The following C8orf34 variants were observed in gnomAD, a reference collection of about 807,000 sequenced individuals.
C8orf34 encodes uncharacterized protein C8orf34.
In C8orf34, 65 loss-of-function variants were observed where a neutral mutation model predicts 68.3. That is an observed-to-expected ratio of 0.95 (90% CI 0.78 to 1.17). The LOEUF is 1.17. Ranked by LOEUF, C8orf34 falls within the 50% of genes most tolerant of loss-of-function variation. C8orf34 has a pLI of 0.00. For synonymous variants in C8orf34, 244 were observed against 241.2 expected (o/e 1.01, Z -0.11); for missense variants, 664 against 655.4 (o/e 1.01, Z -0.14).
At chr8:68,489,091 G>A (rs1190790443) in intron 5 of C8orf34, among the ~76,000 whole-genome samples, 1 of 151,862 alleles carries the variant, frequency 6.6e-6, no homozygotes, top group Non-Finnish European at 1.5e-5. Flanking sequence ...TAAGAAATTT[G>A]CATTGTTTAC....
intron 1 of C8orf34, among the ~76,000 whole-genome samples, chr8:68,369,442 A>G (rs1489710843): frequency 1.3e-5 from 2 of 152,160 alleles, no homozygotes; most frequent in African/African-American, 4.8e-5. Flanking sequence ...CCAGTCCCAC[A>G]TTTTCTGTTT....
intron 1 of C8orf34, among the ~76,000 whole-genome samples, chr8:68,424,154 A>G (rs141144075): frequency 6.6e-6 from 1 of 152,228 alleles, no homozygotes; most frequent in East Asian, 1.9e-4. Flanking sequence ...CCAGTTGCCC[A>G]GGAATGGACT....
At chr8:68,488,121 A>G in intron 5 of C8orf34, 70 bp downstream of exon 5, 1 of 1,129,828 alleles carries the variant, frequency 8.9e-7, no homozygotes, top group Non-Finnish European at 1.3e-6. Flanking sequence ...TCTCAACATA[A>G]ATAAATTTTC....
intron 1 of C8orf34, among the ~76,000 whole-genome samples, chr8:68,361,744 A>G (rs961541838): frequency 2.6e-5 from 4 of 152,244 alleles, no homozygotes; most frequent in Non-Finnish European, 2.9e-5. Context: ...TATTTAATTT[A>G]TAGTAAATGT....
At chr8:68,499,196 G>A (rs939089523) in intron 5 of C8orf34, among the ~76,000 whole-genome samples, 2 of 152,090 alleles carry the variant, frequency 1.3e-5, no homozygotes, top group African/African-American at 2.4e-5. Context: ...ATCTGTTCCT[G>A]CATTGATTCG....
intron 8 of C8orf34, among the ~76,000 whole-genome samples, chr8:68,660,882 C>T (rs1043134641): frequency 6.6e-6 from 1 of 151,744 alleles, no homozygotes; most frequent in Non-Finnish European, 1.5e-5. Flanking sequence ...TGTGTTAACT[C>T]CTGACATAGC....
chr8:68,767,167 G>A (rs1823205613), intron 10 of C8orf34, among the ~76,000 whole-genome samples: 1 of 152,144 alleles, frequency 6.6e-6, no homozygotes, highest in Admixed American at 6.5e-5. Flanking sequence ...CTGCACTCCA[G>A]CCTAGGCAAC....
intron 7 of C8orf34, among the ~76,000 whole-genome samples, chr8:68,563,124 C>A (rs1268220060): frequency 6.6e-6 from 1 of 152,192 alleles, no homozygotes; most frequent in African/African-American, 2.4e-5. Flanking sequence ...AACACTGTCA[C>A]ATCCTTGATA....
At chr8:68,597,676 A>G (rs1407811730) in intron 7 of C8orf34, among the ~76,000 whole-genome samples, 3 of 152,014 alleles carry the variant, frequency 2.0e-5, no homozygotes, top group Non-Finnish European at 2.9e-5. Context: ...CAAAGGGACT[A>G]TCTTTACTAG....
intron 7 of C8orf34, chr8:68,535,298 T>C: frequency 1.0e-6 from 1 of 981,522 alleles, no homozygotes; most frequent in Non-Finnish European, 1.2e-6. Flanking sequence ...TTTTTGAATC[T>C]ACATTTTGTA....
At chr8:68,537,471 T>C (rs970283986) in intron 7 of C8orf34, among the ~76,000 whole-genome samples, 1 of 145,190 alleles carries the variant, frequency 6.9e-6, no homozygotes, top group African/African-American at 2.7e-5. Flanking sequence ...TTTCTTTTTT[T>C]TTTTAAAGAG....
At chr8:68,369,809 T>G (rs552198941) in intron 1 of C8orf34, among the ~76,000 whole-genome samples, 37 of 152,276 alleles carry the variant, frequency 2.4e-4, no homozygotes, top group Admixed American at 5.2e-4. Flanking sequence ...TGCCAGCCAC[T>G]CAATGTAGCA....
chr8:68,666,438 A>G (rs1227546406), intron 8 of C8orf34, among the ~76,000 whole-genome samples: 1 of 152,238 alleles, frequency 6.6e-6, no homozygotes, highest in Non-Finnish European at 1.5e-5. Context: ...TTAAAGGAGA[A>G]TGAAAGGATT....
intron 11 of C8orf34, among the ~76,000 whole-genome samples, chr8:68,777,217 T>A (rs759904998): frequency 1.3e-5 from 2 of 152,190 alleles, no homozygotes; most frequent in South Asian, 4.1e-4. Context: ...AGTGGATCTG[T>A]GGGTGATAGG....
chr8:68,620,280 A>G (rs1173236159), intron 7 of C8orf34, among the ~76,000 whole-genome samples: 4 of 152,156 alleles, frequency 2.6e-5, no homozygotes, highest in Non-Finnish European at 4.4e-5. Flanking sequence ...TGAGGCGCAA[A>G]GGGACCTCAC....
intron 8 of C8orf34, among the ~76,000 whole-genome samples, chr8:68,671,413 C>T (rs943009350): frequency 1.1e-4 from 16 of 152,262 alleles, no homozygotes; most frequent in African/African-American, 3.8e-4. Context: ...AGACGAGAAA[C>T]AGCTGTATCT....
chr8:68,622,067 A>G (rs1818404055), intron 7 of C8orf34, among the ~76,000 whole-genome samples: 1 of 152,194 alleles, frequency 6.6e-6, no homozygotes, highest in Non-Finnish European at 1.5e-5. Flanking sequence ...ACAGTTGTTG[A>G]CAGAATTCAG....
At chr8:68,482,573 T>G (rs959887679) in intron 4 of C8orf34, among the ~76,000 whole-genome samples, 6 of 152,170 alleles carry the variant, frequency 3.9e-5, no homozygotes, top group African/African-American at 1.4e-4. Flanking sequence ...CTGTGCCCAG[T>G]CTAAAGGGTG....
intron 8 of C8orf34, among the ~76,000 whole-genome samples, chr8:68,662,307 C>G (rs1008040394): frequency 6.6e-6 from 1 of 152,124 alleles, no homozygotes; most frequent in East Asian, 1.9e-4. Flanking sequence ...TGCTATGATA[C>G]AGTTAGTCTT....
Sources: gnomAD v4.1 joint callset for allele counts (sites outside exome capture counted in the v4.1 genomes callset) on GRCh38, gnomAD v4.1.1 for gene constraint, MANE v1.5 for transcripts, NCBI Gene and HGNC (gene_info 2026-07-23, HGNC 2026-07-21) for gene names.